The following PM20D2 variants were observed in gnomAD, a reference collection of about 807,000 sequenced individuals.
The protein encoded by PM20D2 is xaa-Arg dipeptidase.
A neutral mutation model predicts 42.9 loss-of-function variants in PM20D2; 33 were observed. The ratio of observed to expected loss-of-function variants is 0.77; its 90% confidence interval spans 0.58 to 1.03. PM20D2 has a LOEUF of 1.03. Ranked by LOEUF, PM20D2 falls within the 50% of genes least tolerant of loss-of-function variation. The pLI, the probability that PM20D2 is intolerant of heterozygous loss-of-function variation, is 0.00. For missense variants in PM20D2, 548 were observed against 557.0 expected (o/e 0.98, Z 0.16); for synonymous variants, 250 against 228.2 (o/e 1.10, Z -0.86).
rs1771385733 is a variant in PM20D2 at position 89,165,413 on chromosome 6, A to AT, written c.*3152dup. On this transcript the variant is annotated 3_prime_UTR_variant, in exon 7 of 7. Transcript: ENST00000275072. ...TTCATATCAAGCATTTTGCAGTCCA[A>AT]TTATATAGTTGAGGATGGTGTATTT... 6.6e-6 allele frequency: 1 copy of AT among 152,178 alleles called. No homozygotes were observed. Among genetic ancestry groups the AT allele is most frequent in the Non-Finnish European group, 1.5e-5 (1 of 68,024 alleles). 9.4% of individuals were successfully genotyped at this position (152,178 alleles called of 1,614,324 possible). A position where few individuals can be genotyped will look rare whatever the true frequency, so the allele number is the denominator to read the frequency against.
Position 89,164,023 on chromosome 6 carries a change from A to C in PM20D2, c.*1760A>C, listed in dbSNP as rs1436967551. On this transcript the variant is annotated 3_prime_UTR_variant, in exon 7 of 7. Coordinates refer to ENST00000275072, the MANE Select transcript of PM20D2 (RefSeq NM_001010853.3). ...ATGAATTACTAAATTGCTATATACC[A>C]TGTAATAGTGAGTATAGCTAATATT... 6.6e-6 allele frequency: 1 copy of C among 152,150 alleles called. No individual in the cohort carries two copies. The highest frequency in any genetic ancestry group is 1.5e-5 in the Non-Finnish European group (1 of 68,034). 9.4% of individuals were successfully genotyped at this position (152,150 alleles called of 1,614,324 possible).
chr6:89,125,912 C>T, the PM20D2 span, among the ~76,000 whole-genome samples: 1 of 151,986 alleles, frequency 6.6e-6, no homozygotes, highest in Admixed American at 6.6e-5. Flanking sequence ...ATGGCAAAAC[C>T]CCATCTCTAG....
At chr6:89,112,005 A>C in the PM20D2 span, among the ~76,000 whole-genome samples, 1 of 152,308 alleles carries the variant, frequency 6.6e-6, no homozygotes, top group African/African-American at 2.4e-5. Context: ...ACATAACACA[A>C]ATTTTAAAAC....
At chr6:89,145,804 G>A (rs567505828), upstream of PM20D2, among the ~76,000 whole-genome samples, 16 of 152,344 alleles carry the variant, frequency 1.1e-4, no homozygotes, top group East Asian at 2.9e-3. Flanking sequence ...TTCTGCTGCT[G>A]TGGGAAATAA....
In PM20D2 at chr6:89,164,938, A is replaced by AAAAG. The variant is rs1554188016; in HGVS notation, c.*2678_*2679insGAAA. ...CTGTGCCTGTAAAAAAAAAAAAAAA[A>AAAAG]AAAAGAAAAGAAAAGACACTGTTGC... On this transcript the variant is annotated 3_prime_UTR_variant, in exon 7 of 7. Coordinates refer to ENST00000275072, the MANE Select transcript of PM20D2 (RefSeq NM_001010853.3). 1.6e-3 allele frequency: 223 copies of AAAAG among 142,828 alleles called. No homozygotes were observed. The highest frequency in any genetic ancestry group is 2.7e-3 in the Admixed American group (38 of 14,196). 8.8% of individuals were successfully genotyped at this position (142,828 alleles called of 1,614,324 possible).
intron 3 of PM20D2, among the ~76,000 whole-genome samples, chr6:89,153,790 C>T (rs910686843): frequency 3.3e-5 from 5 of 151,958 alleles, no homozygotes; most frequent in South Asian, 2.1e-4. Flanking sequence ...TTTGCAGAGA[C>T]GGGGTCTTGC....
chr6:89,122,822 C>T, the PM20D2 span, among the ~76,000 whole-genome samples: 3 of 152,158 alleles, frequency 2.0e-5, no homozygotes, highest in African/African-American at 7.2e-5. Flanking sequence ...GTGAGAGCTG[C>T]CATGGCCTAT....
chr6:89,139,797 C>T, the PM20D2 span, among the ~76,000 whole-genome samples: 2 of 152,214 alleles, frequency 1.3e-5, no homozygotes, highest in African/African-American at 4.8e-5. Context: ...AGTCAGTTGC[C>T]AGAGGGAGAG....
the PM20D2 span, among the ~76,000 whole-genome samples, chr6:89,124,336 G>T: frequency 6.6e-6 from 1 of 152,210 alleles, no homozygotes; most frequent in African/African-American, 2.4e-5. Context: ...TGTCTCATCA[G>T]TGTAACATAT....
chr6:89,149,473 TG>T, intron 2 of PM20D2, 60 bp downstream of exon 2: 1 of 1,545,388 alleles, frequency 6.5e-7, no homozygotes, highest in Non-Finnish European at 8.7e-7. Flanking sequence ...AATACTTTTA[TG>T]TCTAAACCAG....
chr6:89,105,486 T>C, the PM20D2 span: 11 of 1,611,868 alleles, frequency 6.8e-6, no homozygotes, highest in Non-Finnish European at 9.3e-6. Flanking sequence ...CCACTTTCTA[T>C]TGAGGTTATA....
At chr6:89,133,915 A>G in the PM20D2 span, among the ~76,000 whole-genome samples, 52 of 151,352 alleles carry the variant, frequency 3.4e-4, 4 homozygotes, top group African/African-American at 1.2e-3. Flanking sequence ...AAATTACATG[A>G]TATTTGGGTT....
intron 4 of PM20D2, among the ~76,000 whole-genome samples, chr6:89,157,345 T>C (rs1771083481): frequency 6.6e-6 from 1 of 152,240 alleles, no homozygotes; most frequent in Admixed American, 6.5e-5. Context: ...AAAAGAAATG[T>C]CATCTCTGCC....
the PM20D2 span, among the ~76,000 whole-genome samples, chr6:89,129,289 G>T: frequency 6.6e-6 from 1 of 152,072 alleles, no homozygotes; most frequent in Non-Finnish European, 1.5e-5. Context: ...ATTCTACACA[G>T]AATGAAAAAA....
chr6:89,115,318 G>C, the PM20D2 span, among the ~76,000 whole-genome samples: 1 of 152,060 alleles, frequency 6.6e-6, no homozygotes, highest in Admixed American at 6.6e-5. Context: ...GTCTCACTCT[G>C]TCGCCCAGGC....
At chr6:89,110,090 CA>C in the PM20D2 span, among the ~76,000 whole-genome samples, 26,587 of 145,398 alleles carry the variant, frequency 0.18, 2,976 homozygotes, top group Non-Finnish European at 0.26. Context: ...GACTCTGTCT[CA>C]AAAAAAAAAA....
At chr6:89,126,452 G>C in the PM20D2 span, among the ~76,000 whole-genome samples, 2 of 151,860 alleles carry the variant, frequency 1.3e-5, no homozygotes, top group Non-Finnish European at 2.9e-5. Flanking sequence ...TTGGGAGACC[G>C]AGGCGGGTGG....
the PM20D2 span, among the ~76,000 whole-genome samples, chr6:89,103,639 T>C: frequency 6.6e-6 from 1 of 151,992 alleles, no homozygotes; most frequent in East Asian, 1.9e-4. Context: ...CCTGAATTTT[T>C]AGTAGAGACA....
chr6:89,145,615 G>A (rs1770501939), upstream of PM20D2, among the ~76,000 whole-genome samples: 1 of 152,096 alleles, frequency 6.6e-6, no homozygotes, highest in African/African-American at 2.4e-5. Flanking sequence ...AAGAAAGTGG[G>A]GGCAGTACCG....
Sources: allele counts gnomAD v4.1 joint callset (sites outside exome capture counted in the v4.1 genomes callset), GRCh38; gene constraint gnomAD v4.1.1; transcripts MANE v1.5; gene names NCBI Gene and HGNC (gene_info 2026-07-23, HGNC 2026-07-21).